The following ABCG1 variants were observed in gnomAD, a reference collection of about 807,000 sequenced individuals.
ABCG1 encodes ATP binding cassette subfamily G member 1.
A neutral mutation model predicts 69.2 loss-of-function variants in ABCG1; 29 were observed. The observed-to-expected ratio is 0.42, with a 90% CI of 0.31 to 0.57. The LOEUF (loss-of-function observed/expected upper bound fraction) is 0.57, where lower values mean the gene tolerates loss of function less well. Among genes scored for constraint, ABCG1 ranks in the 20% least tolerant of loss-of-function variants. ABCG1 has a pLI of 0.15. For missense variants in ABCG1, 718 were observed against 898.1 expected (o/e 0.80, Z 2.56); for synonymous variants, 370 against 374.8 (o/e 0.99, Z 0.15).
chr21:42,247,813 CAT>C (rs997478473), intron 2 of ABCG1, among the ~76,000 whole-genome samples: 2 of 152,050 alleles, frequency 1.3e-5, no homozygotes, highest in African/African-American at 4.8e-5. Context: ...GAGACAGAGA[CAT>C]GTGGAGGAGA....
intron 2 of ABCG1, among the ~76,000 whole-genome samples, chr21:42,253,546 G>C (rs538020378): frequency 6.6e-6 from 1 of 152,180 alleles, no homozygotes; most frequent in Admixed American, 6.5e-5. Flanking sequence ...GGACCCCCAG[G>C]CAAGCAGCCC....
Position 42,287,762 on chromosome 21 carries a change from T to C in ABCG1, c.974-127T>C, listed in dbSNP as rs2068970446. 2.1e-6 allele frequency: 2 copies of C among 965,856 alleles called. No individual in the cohort carries two copies. Among genetic ancestry groups the C allele is most frequent in the Non-Finnish European group, 3.0e-6 (2 of 661,008 alleles). The allele number at this position is 965,856 out of a possible 1,614,324, so 59.8% of individuals were successfully genotyped here. On this transcript the variant is annotated intron_variant, in intron 8 of 14. Transcript: ENST00000398449. This position sits in a 1 kb window ranked among gnomAD's most constrained non-coding sequence, Gnocchi z 6.2. ...ATAAATGATTTTGACGTCATGCCATTAGCACCGCCACGCAGCATCTATGTA... is the reference window on the plus strand; with the variant it reads ...ATAAATGATTTTGACGTCATGCCATCAGCACCGCCACGCAGCATCTATGTA...
upstream of ABCG1, among the ~76,000 whole-genome samples, chr21:42,217,359 TC>T (rs1307904656): frequency 2.6e-5 from 4 of 152,110 alleles, no homozygotes; most frequent in South Asian, 8.3e-4. Context: ...GGACAGTTCC[TC>T]CCCGGCTGTG....
chr21:42,273,520 AGCTGCGAGGGACCCAAGGGCTCTGCCACG>A lies in ABCG1; in HGVS notation c.537+86_537+114del, dbSNP rs2068655902. 1 of 1,481,496 alleles carries A rather than the reference AGCTGCGAGGGACCCAAGGGCTCTGCCACG, an allele frequency of 6.7e-7. No individual in the cohort carries two copies. Among genetic ancestry groups the A allele is most frequent in the Admixed American group, 2.1e-5 (1 of 48,524 alleles). The allele number at this position is 1,481,496 out of a possible 1,614,324, so 91.8% of individuals were successfully genotyped here. A position where few individuals can be genotyped will look rare whatever the true frequency, so the allele number is the denominator to read the frequency against. ...TAGACACAGCACTGGCCGAGTGCCCAGCTGCGAGGGACCCAAGGGCTCTGCCACGCGGCCTGCACAGGGCCAGCAACCTC... is the reference window on the plus strand; with the variant it reads ...TAGACACAGCACTGGCCGAGTGCCCACGGCCTGCACAGGGCCAGCAACCTC... On this transcript the variant is annotated intron_variant, in intron 4 of 14. Transcript: ENST00000398449. This position sits in a 1 kb window ranked among gnomAD's most constrained non-coding sequence, Gnocchi z 5.3.
chr21:42,268,362 G>GGTGTGTGTGT (rs1555957893), intron 2 of ABCG1, among the ~76,000 whole-genome samples: 6,374 of 147,624 alleles, frequency 0.043, 167 homozygotes, highest in South Asian at 0.068. Context: ...TAGAGGTAGG[G>GGTGTGTGTGT]GTGTGTGTGT....
intron 5 of ABCG1, among the ~76,000 whole-genome samples, chr21:42,280,694 C>T (rs1310777231): frequency 6.6e-6 from 1 of 152,234 alleles, no homozygotes; most frequent in Non-Finnish European, 1.5e-5. Flanking sequence ...CAGCGGCCTC[C>T]GCTTCCAGCA....
chr21:42,281,126 C>T (rs971925095), intron 5 of ABCG1, among the ~76,000 whole-genome samples: 4 of 152,234 alleles, frequency 2.6e-5, no homozygotes, highest in South Asian at 4.1e-4. Flanking sequence ...CACTTTGTAC[C>T]GACTGTGCAT....
intron 1 of ABCG1, among the ~76,000 whole-genome samples, chr21:42,221,756 T>C (rs2067731201): frequency 6.6e-6 from 1 of 152,202 alleles, no homozygotes; most frequent in African/African-American, 2.4e-5. Flanking sequence ...GTGCTAACTG[T>C]GCTGCTGACT....
At position 42,256,332 on chromosome 21, in the gene ABCG1, T is replaced by A. The variant is rs536816743; in HGVS notation, c.287-14738T>A. The stretch of plus-strand genomic sequence containing the variant: ...GAGTCTACAGAGGGTGGGCCCTCTC[T>A]GCTGGGGCTCCGGGACATGGTCAGG... On this transcript the variant is annotated intron_variant, in intron 2 of 14. Transcript: ENST00000398449. 1.4e-5 allele frequency: 21 copies of A among 1,550,022 alleles called. 1 individual carries two copies. In the South Asian group the frequency reaches 2.4e-4, roughly 18 times the overall value.
intron 2 of ABCG1, among the ~76,000 whole-genome samples, chr21:42,260,674 G>A (rs2068392869): frequency 6.6e-6 from 1 of 152,070 alleles, no homozygotes; most frequent in Admixed American, 6.5e-5. Context: ...AAGGAGCCAA[G>A]GAGAGGAAAA....
chr21:42,276,951 TG>T lies in ABCG1; in HGVS notation c.588+9del. 1 of 1,614,078 alleles carries T rather than the reference TG, an allele frequency of 6.2e-7. No individual in the cohort carries two copies. The highest frequency in any genetic ancestry group is 8.5e-7 in the Non-Finnish European group (1 of 1,179,984). ...ATGAAGGCAGAAGGGAAATGGTAAG[TG>T]GGTTGTTTGGTGCCCACAAGTGGTC... On this transcript the variant is annotated splice_region_variant and intron_variant, in intron 5 of 14. Coordinates refer to ENST00000398449, the MANE Select transcript of ABCG1 (RefSeq NM_016818.3). The surrounding 1 kb of genome is among the most constrained non-coding windows in gnomAD (Gnocchi z 5.3).
chr21:42,247,149 A>G (rs2068145228), intron 2 of ABCG1, among the ~76,000 whole-genome samples: 1 of 152,138 alleles, frequency 6.6e-6, no homozygotes, highest in African/African-American at 2.4e-5. Flanking sequence ...AAATATTTGA[A>G]ATTCTTTTTT....
Position 42,278,238 on chromosome 21 carries a change from G to A in ABCG1, c.588+1293G>A, listed in dbSNP as rs546804060. Among the ~76,000 whole-genome samples, 28 of 152,290 alleles carry A rather than the reference G, an allele frequency of 1.8e-4. 1 individual carries two copies. In the South Asian group the frequency reaches 5.8e-3, roughly 32 times the overall value. On this transcript the variant is annotated intron_variant, in intron 5 of 14. Coordinates refer to ENST00000398449, the MANE Select transcript of ABCG1 (RefSeq NM_016818.3). ...TGTGAGTTTATTGTCTAGGCTGAAA[G>A]GCGAGAGCCCCCTCTGGATAGTGTT...
intron 2 of ABCG1, among the ~76,000 whole-genome samples, chr21:42,235,678 C>G (rs908395889): frequency 1.3e-5 from 2 of 152,172 alleles, no homozygotes; most frequent in African/African-American, 4.8e-5. Flanking sequence ...GTCTGGGTTA[C>G]GATACGGGGC....
Position 42,272,768 on chromosome 21 carries a change from G to T in ABCG1, c.405-535G>T, listed in dbSNP as rs141239376. 2.2e-3 allele frequency among the ~76,000 whole-genome samples: 335 copies of T among 152,336 alleles called. 1 individual carries two copies. Among genetic ancestry groups the T allele is most frequent in the African/African-American group, 7.6e-3 (315 of 41,590 alleles). ...TGGGAGGCTCTCAGCCTGCTCAGCA[G>T]AGAGAATTCTCCCTGGTGGAGAAGG... is the stretch of plus-strand genomic sequence containing the variant. On this transcript the variant is annotated intron_variant, in intron 3 of 14. Coordinates refer to ENST00000398449, the MANE Select transcript of ABCG1 (RefSeq NM_016818.3).
chr21:42,256,062 C>A, intron 2 of ABCG1: 1 of 1,046,230 alleles, frequency 9.6e-7, no homozygotes, highest in African/African-American at 1.6e-5. Context: ...GGTGCCTTGA[C>A]TTGGATCCAG....
intron 2 of ABCG1, among the ~76,000 whole-genome samples, chr21:42,208,290 C>G (rs764123346): frequency 2.7e-5 from 4 of 149,196 alleles, no homozygotes; most frequent in Non-Finnish European, 5.9e-5. Flanking sequence ...AACTCAAACT[C>G]TGGGACATAT....
At chr21:42,216,064 A>C, upstream of ABCG1, 1 of 425,940 alleles carries the variant, frequency 2.3e-6, no homozygotes, top group Non-Finnish European at 4.7e-6. Flanking sequence ...AATAAGTCTC[A>C]TGAGATCTGA....
intron 2 of ABCG1, among the ~76,000 whole-genome samples, chr21:42,227,114 G>C (rs1362154653): frequency 2.0e-5 from 3 of 152,224 alleles, no homozygotes; most frequent in Admixed American, 6.5e-5. Context: ...TGCAAGCCCA[G>C]TTGGTGGCTG....
Sources: gnomAD v4.1 joint callset for allele counts (sites outside exome capture counted in the v4.1 genomes callset) on GRCh38, gnomAD v4.1.1 for gene constraint, Gnocchi (gnomAD v3.1) non-coding constraint, MANE v1.5 for transcripts, NCBI Gene and HGNC (gene_info 2026-07-23, HGNC 2026-07-21) for gene names.